Variants in LGR4 observed in about 807,000 individuals in gnomAD.
LGR4 encodes the protein leucine rich repeat containing G protein-coupled receptor 4, also known as leucine-rich repeat-containing G protein-coupled receptor 4.
In LGR4, 44 loss-of-function variants were observed where a neutral mutation model predicts 84.8. That is an observed-to-expected ratio of 0.52 (90% CI 0.41 to 0.67). The LOEUF (loss-of-function observed/expected upper bound fraction) is 0.67, where lower values mean the gene tolerates loss of function less well. LGR4 is among the 30% of genes least tolerant of loss of function. The probability of loss-of-function intolerance (pLI) is 0.00; values close to 1 mark genes in which losing one functional copy is unlikely to be tolerated. For synonymous variants in LGR4, 429 were observed against 434.3 expected (o/e 0.99, Z 0.15); for missense variants, 1,032 against 1,131.4 (o/e 0.91, Z 1.26).
intron 2 of LGR4, among the ~76,000 whole-genome samples, chr11:27,399,836 G>A (rs1354735612): frequency 6.6e-6 from 1 of 152,048 alleles, no homozygotes; most frequent in Non-Finnish European, 1.5e-5. Context: ...GTTTTAAAAA[G>A]CAAAATACAT....
chr11:27,464,052 C>T (rs1389590464), intron 1 of LGR4, among the ~76,000 whole-genome samples: 1 of 152,192 alleles, frequency 6.6e-6, no homozygotes, highest in Admixed American at 6.5e-5. Flanking sequence ...TGAAGGTCCA[C>T]AGTTAACATA....
rs570413519 is a variant in LGR4 at position 27,376,799 on chromosome 11, C to A, written c.1109+359G>T. On this transcript the variant is annotated intron_variant, in intron 12 of 17. Transcript: ENST00000379214. ...TAAAATGGGAGAATTAATGCCTCCC[C>A]CTTCCCATCTCCCAACCAGCTTCCA... Among the ~76,000 whole-genome samples, 17 of 152,248 alleles carry A rather than the reference C, an allele frequency of 1.1e-4. No homozygotes were observed. The South Asian group carries it at 3.3e-3, about 30-fold the overall frequency.
At chr11:27,412,484 C>G (rs1407262313) in intron 2 of LGR4, among the ~76,000 whole-genome samples, 1 of 152,070 alleles carries the variant, frequency 6.6e-6, no homozygotes, top group Non-Finnish European at 1.5e-5. Context: ...CTTGTTATCT[C>G]AGAATAACAC....
At chr11:27,422,951 CT>C (rs1863949005) in intron 1 of LGR4, among the ~76,000 whole-genome samples, 1 of 152,160 alleles carries the variant, frequency 6.6e-6, no homozygotes, top group South Asian at 2.1e-4. Context: ...TATTTTCACT[CT>C]GCTACTCCTG....
chr11:27,452,460 T>C (rs527788049), intron 1 of LGR4, among the ~76,000 whole-genome samples: 2 of 152,194 alleles, frequency 1.3e-5, no homozygotes, highest in African/African-American at 4.8e-5. Flanking sequence ...ACTACAATCA[T>C]GGTAAGGAAC....
intron 2 of LGR4, 141 bp from the exon 3 acceptor site, chr11:27,392,659 A>T: frequency 1.5e-6 from 1 of 685,194 alleles, no homozygotes; most frequent in Non-Finnish European, 2.3e-6. Flanking sequence ...GTGGACTTAA[A>T]CCCTTGCTAA....
At chr11:27,392,371 C>A in intron 3 of LGR4, 76 bp downstream of exon 3, 1 of 1,152,406 alleles carries the variant, frequency 8.7e-7, no homozygotes, top group South Asian at 1.5e-5. Flanking sequence ...CTGTGCTTAA[C>A]CTAGTTCCAA....
intron 1 of LGR4, among the ~76,000 whole-genome samples, chr11:27,443,920 T>TGCTC (rs1162488507): frequency 6.6e-6 from 1 of 152,158 alleles, no homozygotes; most frequent in African/African-American, 2.4e-5. Flanking sequence ...ATGGACAAAA[T>TGCTC]GCTCCAATGG....
Position 27,472,431 on chromosome 11 carries a change from G to A in LGR4, c.-129C>T. 1 of 642,064 alleles carries A rather than the reference G, an allele frequency of 1.6e-6. No individual in the cohort carries two copies. The allele number at this position is 642,064 out of a possible 1,614,324, so 39.8% of individuals were successfully genotyped here. A position where few individuals can be genotyped will look rare whatever the true frequency, so the allele number is the denominator to read the frequency against. On this transcript the variant is annotated 5_prime_UTR_variant, in exon 1 of 18. Transcript: ENST00000379214. ...GGGGGTCTCTTCCTCGGCGGTCCGC[G>A]CGGGCTCGGCCCCTTCAGCAGTCCG...
rs1862769244 is a variant in LGR4 at position 27,366,554 on chromosome 11, T to TA, written c.*1312dup. 1 of 152,506 alleles carries TA rather than the reference T, an allele frequency of 6.6e-6. No individual in the cohort carries two copies. The highest frequency in any genetic ancestry group is 1.5e-5 in the Non-Finnish European group (1 of 67,954). 9.4% of individuals were successfully genotyped at this position (152,506 alleles called of 1,614,324 possible). A position where few individuals can be genotyped will look rare whatever the true frequency, so the allele number is the denominator to read the frequency against. ...TTTTTAGTATATTCAGAATAACTAA[T>TA]ATGGCAGTGGGTTTGCTATTGATTT... On this transcript the variant is annotated 3_prime_UTR_variant, in exon 18 of 18. Transcript: ENST00000379214.
chr11:27,427,824 A>T (rs1417275540), intron 1 of LGR4, among the ~76,000 whole-genome samples: 1 of 152,244 alleles, frequency 6.6e-6, no homozygotes. Flanking sequence ...GCCCTTGGGA[A>T]AAAAGTTCTC....
intron 7 of LGR4, 103 bp from the exon 8 acceptor site, chr11:27,381,069 T>A (rs1863084345): frequency 1.7e-6 from 1 of 603,862 alleles, no homozygotes; most frequent in African/African-American, 1.8e-5. Context: ...CAACTGATAA[T>A]GACTACATGA....
At chr11:27,438,024 GA>G (rs957566442) in intron 1 of LGR4, among the ~76,000 whole-genome samples, 5 of 151,194 alleles carry the variant, frequency 3.3e-5, no homozygotes, top group Non-Finnish European at 7.4e-5. Flanking sequence ...CCCGCCCCAG[GA>G]AAAAAAAGAC....
intron 1 of LGR4, among the ~76,000 whole-genome samples, chr11:27,468,317 A>G (rs1864816367): frequency 6.6e-6 from 1 of 152,226 alleles, no homozygotes; most frequent in African/African-American, 2.4e-5. Flanking sequence ...TTTGTACAGT[A>G]TCCAAATTAC....
intron 3 of LGR4, among the ~76,000 whole-genome samples, chr11:27,392,077 T>C (rs1863296465): frequency 6.6e-6 from 1 of 152,206 alleles, no homozygotes; most frequent in Admixed American, 6.5e-5. Context: ...TTGGAGCACT[T>C]GTAAGCCTTT....
At position 27,383,419 on chromosome 11, in the gene LGR4, T is replaced by C. The variant is rs181193609; in HGVS notation, c.689+917A>G. Among the ~76,000 whole-genome samples, 3 of 152,346 alleles carry C rather than the reference T, an allele frequency of 2.0e-5. No individual in the cohort carries two copies. The East Asian group carries it at 5.8e-4, about 29-fold the overall frequency. ...TAGGATTAGGAAACCTATTCAATCT[T>C]TTATTTATAACACTAGAACTCACAC... On this transcript the variant is annotated intron_variant, in intron 6 of 17. Coordinates refer to ENST00000379214, the MANE Select transcript of LGR4 (RefSeq NM_018490.5).
At chr11:27,386,649 G>A (rs1488064434) in intron 4 of LGR4, among the ~76,000 whole-genome samples, 1 of 152,072 alleles carries the variant, frequency 6.6e-6, no homozygotes. Flanking sequence ...CCACAGTCAA[G>A]TTCTGGGCCC....
chr11:27,380,003 A>C (rs937040794), intron 10 of LGR4, among the ~76,000 whole-genome samples: 1 of 152,166 alleles, frequency 6.6e-6, no homozygotes, highest in Admixed American at 6.5e-5. Context: ...CCCACTTCTA[A>C]ATTCTGAAAG....
chr11:27,402,930 G>A (rs780345405), intron 2 of LGR4, among the ~76,000 whole-genome samples: 19 of 152,136 alleles, frequency 1.2e-4, no homozygotes, highest in South Asian at 8.3e-4. Flanking sequence ...CAGGGCCTAC[G>A]TCTCTGCTAA....
Sources: gnomAD v4.1 joint callset for allele counts (sites outside exome capture counted in the v4.1 genomes callset) on GRCh38, gnomAD v4.1.1 for gene constraint, MANE v1.5 for transcripts, NCBI Gene and HGNC (gene_info 2026-07-23, HGNC 2026-07-21) for gene names.